ADGRL2: variants seen among roughly 807,000 people sequenced by gnomAD.
ADGRL2 encodes calcium-independent alpha-latrotoxin receptor 2.
Under a neutral mutation model 157.4 loss-of-function variants are expected in ADGRL2, and 44 were observed. That is an observed-to-expected ratio of 0.28 (90% CI 0.22 to 0.36). ADGRL2 has a LOEUF of 0.36. Among genes scored for constraint, ADGRL2 ranks in the 10% least tolerant of loss-of-function variants. The pLI, the probability that ADGRL2 is intolerant of heterozygous loss-of-function variation, is 1.00. For synonymous variants in ADGRL2, 585 were observed against 624.7 expected, an observed-to-expected ratio of 0.94 and a Z score of 0.95; for missense variants, 1,510 against 1,768.9, an observed-to-expected ratio of 0.85 and a Z score of 2.63.
chr1:81,315,026 T>C (rs1158814352), intron 1 of ADGRL2, among the ~76,000 whole-genome samples: 1 of 152,234 alleles, frequency 6.6e-6, no homozygotes, highest in Non-Finnish European at 1.5e-5. Context: ...TACACTCAGA[T>C]ACCTCATTCA....
intron 2 of ADGRL2, among the ~76,000 whole-genome samples, chr1:81,844,954 G>T (rs1192576088): frequency 6.6e-6 from 1 of 151,920 alleles, no homozygotes; most frequent in Non-Finnish European, 1.5e-5. Context: ...TGAGAAAAGA[G>T]AAAATTAAAA....
At chr1:81,905,922 G>A (rs1211460207) in intron 2 of ADGRL2, among the ~76,000 whole-genome samples, 2 of 151,014 alleles carry the variant, frequency 1.3e-5, no homozygotes, top group African/African-American at 2.4e-5. Flanking sequence ...TTCAGTACAA[G>A]GTCAGGAGAT....
intron 2 of ADGRL2, among the ~76,000 whole-genome samples, chr1:81,563,286 T>C (rs774180341): frequency 3.9e-5 from 6 of 152,126 alleles, no homozygotes; most frequent in Non-Finnish European, 7.4e-5. Context: ...TCTTGTAAAA[T>C]ATTTTAGGGT....
At chr1:81,353,567 G>A (rs1215623975) in intron 1 of ADGRL2, among the ~76,000 whole-genome samples, 1 of 152,110 alleles carries the variant, frequency 6.6e-6, no homozygotes, top group Non-Finnish European at 1.5e-5. Flanking sequence ...AAGGAAAATA[G>A]ATTGAAAGAC....
chr1:81,976,992 TTAGTATA>T (rs1305510830), intron 17 of ADGRL2, among the ~76,000 whole-genome samples: 1 of 151,932 alleles, frequency 6.6e-6, no homozygotes, highest in Non-Finnish European at 1.5e-5. Flanking sequence ...AAATATAGAC[TTAGTATA>T]TCTTTGTTAG....
At chr1:81,877,384 T>C (rs1221362764) in intron 2 of ADGRL2, among the ~76,000 whole-genome samples, 1 of 152,124 alleles carries the variant, frequency 6.6e-6, no homozygotes, top group Non-Finnish European at 1.5e-5. Context: ...GATTAAAATA[T>C]TACTATTAGG....
intron 3 of ADGRL2, among the ~76,000 whole-genome samples, chr1:81,675,193 C>G (rs1156471615): frequency 1.3e-5 from 2 of 152,152 alleles, no homozygotes; most frequent in Admixed American, 6.5e-5. Flanking sequence ...TTGTTTCCAT[C>G]TAATAGCCTG....
intron 3 of ADGRL2, among the ~76,000 whole-genome samples, chr1:81,584,384 A>G (rs528986814): frequency 2.4e-4 from 35 of 145,572 alleles, no homozygotes; most frequent in African/African-American, 8.5e-4. Context: ...CTAATGAAAC[A>G]TAAAGTACTC....
In ADGRL2 at chr1:81,541,687, C is replaced by T. The variant is rs901515369; in HGVS notation, c.-247-39189C>T. On this transcript the variant is annotated intron_variant, in intron 2 of 24. Transcript: ENST00000370721. Reference sequence around the variant, plus strand: ...TTTTCCGGCTGGGCACGGTTGCTCACGCCTGTAATCCCAGCACTTTGGGAG... The same window carrying T: ...TTTTCCGGCTGGGCACGGTTGCTCATGCCTGTAATCCCAGCACTTTGGGAG... Among the ~76,000 whole-genome samples the T allele has an allele frequency of 3.9e-5, 6 of 151,978 alleles. 1 individual carries two copies. The South Asian group carries it at 8.3e-4, about 21-fold the overall frequency.
At chr1:81,814,147 C>T (rs1017557497) in intron 1 of ADGRL2, among the ~76,000 whole-genome samples, 12 of 151,470 alleles carry the variant, frequency 7.9e-5, no homozygotes, top group Non-Finnish European at 4.4e-5. Context: ...TTAAAGTAAC[C>T]ATGATCTTGG....
intron 1 of ADGRL2, among the ~76,000 whole-genome samples, chr1:81,801,281 A>C (rs1313740687): frequency 2.0e-5 from 3 of 152,164 alleles, no homozygotes; most frequent in Non-Finnish European, 4.4e-5. Flanking sequence ...GACGCTGTAC[A>C]CGCTAGTATG....
intron 1 of ADGRL2, among the ~76,000 whole-genome samples, chr1:81,368,594 C>T (rs535689628): frequency 3.3e-5 from 5 of 152,144 alleles, no homozygotes; most frequent in South Asian, 2.1e-4. Context: ...TTCTGTGCCA[C>T]GTATGAGATA....
At chr1:81,307,028 C>G (rs1164974073) in intron 1 of ADGRL2, among the ~76,000 whole-genome samples, 1 of 152,172 alleles carries the variant, frequency 6.6e-6, no homozygotes, top group Non-Finnish European at 1.5e-5. Flanking sequence ...ACAGGCCTGT[C>G]AGATAGATTT....
intron 1 of ADGRL2, among the ~76,000 whole-genome samples, chr1:81,801,513 A>C (rs2088132906): frequency 6.6e-6 from 1 of 151,968 alleles, no homozygotes; most frequent in Non-Finnish European, 1.5e-5. Flanking sequence ...ATTCCTTGGG[A>C]TTGTTGGGGG....
At chr1:81,778,960 C>T (rs2086705721) in intron 2 of ADGRL2, among the ~76,000 whole-genome samples, 1 of 152,254 alleles carries the variant, frequency 6.6e-6, no homozygotes, top group South Asian at 2.1e-4. Flanking sequence ...ATTAAGTGAA[C>T]AAGTGCATAT....
chr1:81,622,813 C>T (rs375313053), intron 3 of ADGRL2, among the ~76,000 whole-genome samples: 64 of 152,242 alleles, frequency 4.2e-4, no homozygotes, highest in African/African-American at 1.5e-3. Context: ...CATGTTTTTC[C>T]AGTTATTTAG....
At position 81,979,770 on chromosome 1, in the gene ADGRL2, C is replaced by G. The variant is rs1303407085; in HGVS notation, c.3022-99C>G. 8 of 667,338 alleles carry G rather than the reference C, an allele frequency of 1.2e-5. No homozygotes were observed. The East Asian group carries it at 1.8e-4, about 15-fold the overall frequency. 41.3% of individuals were successfully genotyped at this position (667,338 alleles called of 1,614,324 possible). A position where few individuals can be genotyped will look rare whatever the true frequency, so the allele number is the denominator to read the frequency against. ...ATTGCATACATAAAAAAAATTATAT[C>G]AGTATCTTCCATATAAACATGGATC... On this transcript the variant is annotated intron_variant, in intron 17 of 23. Coordinates refer to ENST00000686636, the MANE Select transcript of ADGRL2 (RefSeq NM_001366006.2).
At chr1:81,426,440 G>A in intron 1 of ADGRL2, 1 of 378,246 alleles carries the variant, frequency 2.6e-6, no homozygotes, top group South Asian at 2.0e-5. Context: ...GTCGGAAGAG[G>A]TGAGTCCGGT....
intron 2 of ADGRL2, among the ~76,000 whole-genome samples, chr1:81,464,516 A>T (rs1409647081): frequency 1.3e-5 from 2 of 152,156 alleles, no homozygotes; most frequent in African/African-American, 2.4e-5. Flanking sequence ...TGTAAATGAA[A>T]CTGATTTCAA....
Sources: gnomAD v4.1 joint callset for allele counts (sites outside exome capture counted in the v4.1 genomes callset) on GRCh38, gnomAD v4.1.1 for gene constraint, MANE v1.5 for transcripts, NCBI Gene and HGNC (gene_info 2026-07-23, HGNC 2026-07-21) for gene names.